Variants in ERO1A observed in about 807,000 individuals in gnomAD.
ERO1A encodes endoplasmic reticulum oxidoreductase 1 alpha, also known as ERO1-like protein alpha.
ERO1A carries 49 observed loss-of-function variants against 76.9 expected under a neutral mutation model. The observed-to-expected ratio is 0.64, with a 90% confidence interval of 0.51 to 0.81. The LOEUF (loss-of-function observed/expected upper bound fraction) is 0.81. Among genes scored for constraint, ERO1A ranks in the 30% least tolerant of loss-of-function variants. The pLI is 0.00. For synonymous variants in ERO1A, 174 were observed against 181.2 expected (o/e 0.96, Z 0.32); for missense variants, 448 against 542.1 (o/e 0.83, Z 1.72).
chr14:52,694,541 T>C (rs1016289187), intron 1 of ERO1A, among the ~76,000 whole-genome samples: 4 of 152,254 alleles, frequency 2.6e-5, no homozygotes, highest in Non-Finnish European at 4.4e-5. Flanking sequence ...CCCTTAATTT[T>C]GTATAAAACG....
chr14:52,673,246 T>C (rs1263517001), intron 4 of ERO1A, among the ~76,000 whole-genome samples: 2 of 151,938 alleles, frequency 1.3e-5, no homozygotes, highest in Non-Finnish European at 2.9e-5. Context: ...CACACTACCA[T>C]GTATGGCTAA....
intron 7 of ERO1A, chr14:52,664,077 A>T (rs775847519): frequency 3.3e-5 from 11 of 331,940 alleles, no homozygotes; most frequent in Non-Finnish European, 5.1e-5. Context: ...TTTCCTAATC[A>T]CTTCTTCAAA....
chr14:52,645,228 G>A (rs2039606686), intron 15 of ERO1A, among the ~76,000 whole-genome samples: 1 of 150,714 alleles, frequency 6.6e-6, no homozygotes, highest in Non-Finnish European at 1.5e-5. Context: ...AATTTTTAAT[G>A]TACAAATTCG....
chr14:52,668,460 G>A lies in ERO1A; in HGVS notation c.509-1965C>T, dbSNP rs959698307. 1.2e-3 allele frequency among the ~76,000 whole-genome samples: 187 copies of A among 151,848 alleles called. 1 individual carries two copies. The highest frequency in any genetic ancestry group is 4.4e-3 in the African/African-American group (183 of 41,436). On this transcript the variant is annotated intron_variant, in intron 6 of 15. Transcript: ENST00000395686. ...CTCGGGAGGCTGAGGCAGGAGAATC[G>A]CTTGAACCCGGGAGACAGAGGTTAC...
chr14:52,683,100 T>C (rs1463113231), intron 2 of ERO1A, among the ~76,000 whole-genome samples: 2 of 151,168 alleles, frequency 1.3e-5, no homozygotes, highest in Admixed American at 6.6e-5. Flanking sequence ...CCCAGTTACT[T>C]GGGAGGCTGA....
chr14:52,660,737 T>G (rs1368286160), intron 9 of ERO1A, among the ~76,000 whole-genome samples: 2 of 152,234 alleles, frequency 1.3e-5, no homozygotes, highest in Non-Finnish European at 2.9e-5. Context: ...TAAGCACCAT[T>G]AAGTCTTTTC....
At chr14:52,654,473 A>T (rs1175904217) in intron 11 of ERO1A, among the ~76,000 whole-genome samples, 1 of 151,936 alleles carries the variant, frequency 6.6e-6, no homozygotes, top group Non-Finnish European at 1.5e-5. Context: ...TTATATGTTT[A>T]TTGAGCCAAT....
At position 52,643,549 on chromosome 14, in the gene ERO1A, G is replaced by A. The variant is rs1300759461; in HGVS notation, c.*21C>T. 1.4e-6 allele frequency: 2 copies of A among 1,447,604 alleles called. No homozygotes were observed. Among genetic ancestry groups the A allele is most frequent in the Admixed American group, 2.9e-5 (1 of 34,938 alleles). The allele number at this position is 1,447,604 out of a possible 1,614,324, so 89.7% of individuals were successfully genotyped here. On this transcript the variant is annotated 3_prime_UTR_variant, in exon 16 of 16. Coordinates refer to ENST00000395686, the MANE Select transcript of ERO1A (RefSeq NM_014584.3). ...TTTCGCCTCCATTGTCCAGAAACAG[G>A]CACATATCAGCTTGTTTTCTTTAAT...
intron 4 of ERO1A, chr14:52,672,356 T>C (rs541120833): frequency 6.6e-6 from 1 of 152,348 alleles, no homozygotes; most frequent in East Asian, 1.9e-4. Context: ...GGAAATACTT[T>C]AGCCCAAATA....
chr14:52,654,288 G>T (rs965537485), intron 11 of ERO1A, among the ~76,000 whole-genome samples: 123 of 152,142 alleles, frequency 8.1e-4, no homozygotes, highest in African/African-American at 2.9e-3. Flanking sequence ...TAATAAGAAT[G>T]ATTTTTATAA....
intron 6 of ERO1A, among the ~76,000 whole-genome samples, chr14:52,671,106 T>C (rs183493688): frequency 1.6e-4 from 24 of 152,378 alleles, no homozygotes; most frequent in Admixed American, 9.8e-4. Flanking sequence ...ACTTGTCCTT[T>C]GGTGCCTGAC....
intron 13 of ERO1A, among the ~76,000 whole-genome samples, chr14:52,648,702 C>A (rs1446159288): frequency 6.6e-6 from 1 of 152,126 alleles, no homozygotes; most frequent in Non-Finnish European, 1.5e-5. Context: ...GAGTTGGAAG[C>A]CTCTGTTCTA....
At chr14:52,650,663 G>A (rs867964911) in intron 13 of ERO1A, among the ~76,000 whole-genome samples, 21 of 152,084 alleles carry the variant, frequency 1.4e-4, no homozygotes, top group African/African-American at 4.8e-4. Context: ...ACTTACCAGT[G>A]GAACTTTGTA....
chr14:52,643,996 A>G (rs2039560157), intron 15 of ERO1A, among the ~76,000 whole-genome samples: 1 of 152,138 alleles, frequency 6.6e-6, no homozygotes, highest in South Asian at 2.1e-4. Context: ...AAAAATTGCC[A>G]GGCATGGCTG....
intron 1 of ERO1A, among the ~76,000 whole-genome samples, chr14:52,685,226 G>C (rs1047542390): frequency 6.6e-6 from 1 of 152,096 alleles, no homozygotes; most frequent in African/African-American, 2.4e-5. Flanking sequence ...AGAATACTTT[G>C]GATGACAACA....
chr14:52,643,695 A>C, intron 15 of ERO1A, 65 bp from the exon 16 acceptor site: 1 of 836,538 alleles, frequency 1.2e-6, no homozygotes, highest in Non-Finnish European at 1.8e-6. Flanking sequence ...AAAGTTATTC[A>C]CTTTGCATTT....
At chr14:52,670,700 T>C (rs1359979993) in intron 6 of ERO1A, among the ~76,000 whole-genome samples, 1 of 152,210 alleles carries the variant, frequency 6.6e-6, no homozygotes, top group African/African-American at 2.4e-5. Flanking sequence ...CCAACAGCAA[T>C]GTAACTGAAG....
intron 8 of ERO1A, 78 bp downstream of exon 8, chr14:52,663,723 T>C (rs1194141958): frequency 8.1e-6 from 7 of 861,548 alleles, no homozygotes; most frequent in African/African-American, 1.7e-5. Context: ...GTTACTGTCA[T>C]TTATCTTGCC....
chr14:52,662,495 C>G (rs1209627302), intron 8 of ERO1A, among the ~76,000 whole-genome samples: 1 of 152,054 alleles, frequency 6.6e-6, no homozygotes, highest in Non-Finnish European at 1.5e-5. Flanking sequence ...AAAATGAAAA[C>G]CTTACACTTT....
Sources: allele counts gnomAD v4.1 joint callset (sites outside exome capture counted in the v4.1 genomes callset), GRCh38; gene constraint gnomAD v4.1.1; transcripts MANE v1.5; gene names NCBI Gene and HGNC (gene_info 2026-07-23, HGNC 2026-07-21).